Variants in RAF1 observed in about 807,000 individuals in gnomAD.
The protein encoded by RAF1 is Raf-1 proto-oncogene, serine/threonine kinase, also known as RAF proto-oncogene serine/threonine-protein kinase.
In RAF1, 27 loss-of-function variants were observed where a neutral mutation model predicts 81.1. That is an observed-to-expected ratio of 0.33 (90% confidence interval 0.25 to 0.46). RAF1 has a LOEUF of 0.46. Ranked by LOEUF, RAF1 falls within the 20% of genes least tolerant of loss-of-function variation. The pLI is 1.00. For synonymous variants in RAF1, 298 were observed against 294.0 expected (o/e 1.01, Z -0.14); for missense variants, 598 against 826.0 (o/e 0.72, Z 3.38).
chr3:12,585,744 T>C lies in RAF1; in HGVS notation c.1533A>G (p.Thr511=), dbSNP rs747037652. ...GAGAACCACTCCAGCGTGACTTTAC[T>C]GTTGCCAAACCAAAATCTCCAATTT... Residue 511 remains threonine, a synonymous_variant, in exon 15 of 18, where the codon ACA becomes ACG. Coordinates refer to ENST00000442415, the MANE Select transcript of RAF1 (RefSeq NM_001354689.3). 1.2e-6 allele frequency: 2 copies of C among 1,614,228 alleles called. No individual in the cohort carries two copies. The highest frequency in any genetic ancestry group is 2.2e-5 in the South Asian group (2 of 91,088).
chr3:12,608,684 A>G (rs1467373994), intron 5 of RAF1, 82 bp downstream of exon 5: 4 of 1,449,506 alleles, frequency 2.8e-6, no homozygotes, highest in East Asian at 2.3e-5. Flanking sequence ...CAGACCTGTC[A>G]GTCAAAATCT....
chr3:12,588,093 C>G (rs2058388443), intron 13 of RAF1: 1 of 152,730 alleles, frequency 6.5e-6, no homozygotes, highest in African/African-American at 2.4e-5. Flanking sequence ...GCATGGGCCC[C>G]TGGCGCCTGA....
rs2058215665 is a variant in RAF1, at chr3:12,583,740, A to C, written c.*774T>G. ...CTGTATTCCTGGCTTCCTTGTATAC[A>C]CATGATGTGACTAGAGAAACAAGGC... On this transcript the variant is annotated 3_prime_UTR_variant, in exon 18 of 18. Transcript: ENST00000442415. 2 of 233,456 alleles carry C rather than the reference A, an allele frequency of 8.6e-6. No homozygotes were observed. Among genetic ancestry groups the C allele is most frequent in the South Asian group, 3.6e-4 (2 of 5,538 alleles). 14.5% of individuals were successfully genotyped at this position (233,456 alleles called of 1,614,324 possible). A position where few individuals can be genotyped will look rare whatever the true frequency, so the allele number is the denominator to read the frequency against.
intron 1 of RAF1, among the ~76,000 whole-genome samples, chr3:12,629,293 T>C (rs1046848194): frequency 6.6e-6 from 1 of 152,180 alleles, no homozygotes; most frequent in Non-Finnish European, 1.5e-5. Context: ...CAAAGCTTGT[T>C]TGGCTATCTG....
rs2125431162 is a variant in RAF1 at position 12,612,028 on chromosome 3, C to G, written c.242G>C (p.Cys81Ser). 1 of 1,614,164 alleles carries G rather than the reference C, an allele frequency of 6.2e-7. No individual in the cohort carries two copies. The highest frequency in any genetic ancestry group is 8.5e-7 in the Non-Finnish European group (1 of 1,180,026). ...CCTCACCTTGAGTGCTTTCATAAGG[C>G]AGTCATGCAAGCTCATTCCATTTCG... is the stretch of plus-strand genomic sequence containing the variant. The change falls in exon 3 of 18, where the codon TGC becomes TCC. Residue 81 changes from cysteine (C) to serine (S), a missense_variant. Physicochemically the swap from Cys to Ser is moderately radical, Grantham distance 112. This residue lies in a region of RAF1 where 89 missense variants were observed against 169.2 expected (regional missense o/e 0.53). Coordinates refer to ENST00000442415, the MANE Select transcript of RAF1 (RefSeq NM_001354689.3).
At chr3:12,625,722 A>C (rs2059682772) in intron 1 of RAF1, among the ~76,000 whole-genome samples, 1 of 152,092 alleles carries the variant, frequency 6.6e-6, no homozygotes, top group Non-Finnish European at 1.5e-5. Context: ...GCTACTTAAG[A>C]GGCTACTCAG....
rs755585693 is a variant in RAF1, at chr3:12,600,286, A to G, written c.923-7T>C. On this transcript the variant is annotated splice_polypyrimidine_tract_variant and splice_region_variant and intron_variant, in intron 9 of 17. Transcript: ENST00000442415. ...GACAGGGCTGAAGGTGAGGCTTAAT[A>G]GACAAGACAAACAGAAGCCACACAA... is the stretch of plus-strand genomic sequence containing the variant. 1 of 1,614,238 alleles carries G rather than the reference A, an allele frequency of 6.2e-7. No homozygotes were observed. Among genetic ancestry groups the G allele is most frequent in the Admixed American group, 1.7e-5 (1 of 60,020 alleles).
intron 1 of RAF1, among the ~76,000 whole-genome samples, chr3:12,628,760 G>GC (rs1272885110): frequency 4.4e-5 from 6 of 136,696 alleles, no homozygotes; most frequent in African/African-American, 1.6e-4. Flanking sequence ...TTGGGGGGGG[G>GC]GGGTGGCGGG....
At chr3:12,603,461 T>A in intron 8 of RAF1, 1 of 692,202 alleles carries the variant, frequency 1.4e-6, no homozygotes, top group Non-Finnish European at 2.6e-6. Flanking sequence ...AGCAAAGGCA[T>A]GAAGAAAAAT....
chr3:12,621,109 T>G (rs2059545649), intron 1 of RAF1, among the ~76,000 whole-genome samples: 1 of 152,192 alleles, frequency 6.6e-6, no homozygotes, highest in African/African-American at 2.4e-5. Flanking sequence ...AAGCTTACTA[T>G]TATGAGGCAG....
intron 1 of RAF1, among the ~76,000 whole-genome samples, chr3:12,633,707 G>A (rs1449086223): frequency 1.6e-4 from 24 of 151,474 alleles, no homozygotes; most frequent in Admixed American, 2.6e-4. Flanking sequence ...AAGCCGAGGC[G>A]GGCGGATCAT....
At chr3:12,585,947 T>C (rs1006827028) in intron 14 of RAF1, 148 bp from the exon 14 acceptor site, 10 of 681,978 alleles carry the variant, frequency 1.5e-5, no homozygotes, top group Non-Finnish European at 2.4e-5. Context: ...TCTGAAGTTC[T>C]TTAAAGTGCT....
chr3:12,654,542 C>CG (rs1473117908), intron 1 of RAF1, among the ~76,000 whole-genome samples: 1 of 151,208 alleles, frequency 6.6e-6, no homozygotes, highest in Admixed American at 6.6e-5. Flanking sequence ...GTCAAGGCTA[C>CG]GGTGAGTGGA....
intron 6 of RAF1, among the ~76,000 whole-genome samples, chr3:12,605,250 ATGTGTGTGTGTG>A (rs139616156): frequency 2.1e-5 from 3 of 144,538 alleles, no homozygotes; most frequent in Admixed American, 7.0e-5. Flanking sequence ...ATTACACATT[ATGTGTGTGTGTG>A]TGTGTGTGTG....
chr3:12,630,462 G>A (rs142543188), intron 1 of RAF1, among the ~76,000 whole-genome samples: 3 of 152,274 alleles, frequency 2.0e-5, no homozygotes, highest in African/African-American at 4.8e-5. Flanking sequence ...TTCCATGATA[G>A]TGGGTGATAA....
chr3:12,646,424 G>A (rs866928893), intron 1 of RAF1, among the ~76,000 whole-genome samples: 2 of 152,058 alleles, frequency 1.3e-5, no homozygotes, highest in African/African-American at 4.8e-5. Flanking sequence ...ACCCACGCTG[G>A]AGTGCAGTGG....
At chr3:12,631,072 C>T (rs2059845126) in intron 1 of RAF1, among the ~76,000 whole-genome samples, 1 of 152,110 alleles carries the variant, frequency 6.6e-6, no homozygotes, top group Non-Finnish European at 1.5e-5. Context: ...CTAACCCCAG[C>T]ACTTTGAGAG....
At chr3:12,593,786 C>CTTTTTTTTTTTTTTTTTTTTTTTTT (rs756831846) in intron 11 of RAF1, among the ~76,000 whole-genome samples, 1 of 111,284 alleles carries the variant, frequency 9.0e-6, no homozygotes. Flanking sequence ...GGAGTAAATC[C>CTTTTTTTTTTTTTTTTTTTTTTTTT]TTTTTTTTTT....
In RAF1 at chr3:12,590,907, T is replaced by A. The variant is rs2125343372; in HGVS notation, c.1321A>T (p.Thr441Ser). The A allele has an allele frequency of 6.2e-7, 1 of 1,613,444 alleles. No individual in the cohort carries two copies. Among genetic ancestry groups the A allele is most frequent in the Non-Finnish European group, 8.5e-7 (1 of 1,179,410 alleles). Residue 441 changes from threonine (T) to serine (S), a missense_variant, in exon 13 of 18, where the codon ACC (threonine) becomes TCC (serine). Thr to Ser is a moderately conservative substitution (Grantham distance 58). Coordinates refer to ENST00000442415, the MANE Select transcript of RAF1 (RefSeq NM_001354689.3). ...AGGCTGCTGCCCTCGCACCACTGGG[T>A]CACAATTGCCAGGTTGTCCTTTGTC...
Sources: gnomAD v4.1 joint callset for allele counts (sites outside exome capture counted in the v4.1 genomes callset) on GRCh38, gnomAD v4.1.1 for gene constraint, gnomAD v4.1.1 regional missense constraint, MANE v1.5 for transcripts, NCBI Gene and HGNC (gene_info 2026-07-23, HGNC 2026-07-21) for gene names.